ZBTB7C: variants seen among roughly 807,000 people sequenced by gnomAD.
ZBTB7C encodes zinc finger and BTB domain containing 7C.
In ZBTB7C, 8 loss-of-function variants were observed where a neutral mutation model predicts 25.7. The ratio of observed to expected loss-of-function variants is 0.31; its 90% CI spans 0.18 to 0.56. ZBTB7C has a LOEUF of 0.56. ZBTB7C is among the 20% of genes least tolerant of loss of function. The pLI is 0.91. For missense variants in ZBTB7C, 824 were observed against 855.2 expected (o/e 0.96, Z 0.46); for synonymous variants, 394 against 369.0 (o/e 1.07, Z -0.78).
intron 2 of ZBTB7C, among the ~76,000 whole-genome samples, chr18:48,231,737 G>C (rs2043259574): frequency 6.6e-6 from 1 of 152,042 alleles, no homozygotes; most frequent in Non-Finnish European, 1.5e-5. Flanking sequence ...CCAAAAAGGA[G>C]AGAAGAGAGA....
At chr18:48,311,671 CT>C (rs1409412352) in intron 2 of ZBTB7C, among the ~76,000 whole-genome samples, 1 of 152,154 alleles carries the variant, frequency 6.6e-6, no homozygotes, top group African/African-American at 2.4e-5. Context: ...TAAGATACAT[CT>C]GATGGCAAAT....
chr18:48,038,218 G>A (rs2144128271), intron 4 of ZBTB7C, among the ~76,000 whole-genome samples: 1 of 152,216 alleles, frequency 6.6e-6, no homozygotes, highest in Middle Eastern at 3.4e-3. Context: ...CGGGTGGCTG[G>A]CCTAGCTCAC....
chr18:48,042,463 C>G (rs1446894518), intron 3 of ZBTB7C, among the ~76,000 whole-genome samples: 1 of 152,200 alleles, frequency 6.6e-6, no homozygotes, highest in Non-Finnish European at 1.5e-5. Flanking sequence ...AATCCTAAAG[C>G]CCCACGCCCC....
At chr18:48,105,167 T>C (rs2038985370) in intron 3 of ZBTB7C, among the ~76,000 whole-genome samples, 1 of 152,194 alleles carries the variant, frequency 6.6e-6, no homozygotes, top group African/African-American at 2.4e-5. Flanking sequence ...TGACCCCCAA[T>C]TCTGCCAATG....
intron 2 of ZBTB7C, among the ~76,000 whole-genome samples, chr18:48,263,692 TAA>T (rs76126998): frequency 1.8e-3 from 166 of 94,152 alleles, no homozygotes; most frequent in Non-Finnish European, 1.8e-3. Flanking sequence ...ATAAAGCTGC[TAA>T]AAAAAAAAAA....
chr18:48,287,018 A>G (rs935493458), intron 2 of ZBTB7C, among the ~76,000 whole-genome samples: 6 of 151,382 alleles, frequency 4.0e-5, no homozygotes, highest in Non-Finnish European at 8.9e-5. Flanking sequence ...CAAACAAACA[A>G]AAACAAAAAA....
intron 3 of ZBTB7C, among the ~76,000 whole-genome samples, chr18:48,145,803 A>C (rs931645375): frequency 6.6e-6 from 1 of 152,246 alleles, no homozygotes; most frequent in Admixed American, 6.5e-5. Flanking sequence ...ACCTCTGGAT[A>C]GCATTACAAA....
intron 2 of ZBTB7C, among the ~76,000 whole-genome samples, chr18:48,195,767 C>T (rs929572792): frequency 6.6e-6 from 1 of 152,198 alleles, no homozygotes; most frequent in Admixed American, 6.5e-5. Context: ...GTTTCACCCA[C>T]ACCTAACTCA....
intron 3 of ZBTB7C, among the ~76,000 whole-genome samples, chr18:48,066,812 C>T (rs1298240280): frequency 6.6e-6 from 1 of 152,180 alleles, no homozygotes; most frequent in South Asian, 2.1e-4. Flanking sequence ...GGGTTTAAGA[C>T]CTAGCTCTGC....
Position 48,145,343 on chromosome 18 carries a change from C to A in ZBTB7C, c.-17+40591G>T, listed in dbSNP as rs2040467007. Among the ~76,000 whole-genome samples, 8 of 152,310 alleles carry A rather than the reference C, an allele frequency of 5.3e-5. 1 individual carries two copies. The South Asian group carries it at 1.7e-3, about 32-fold the overall frequency. ...CCACCTTCATCTTCCCTTCAGCTCCCTGGACCCTTCAGCATGTCTCCTTTG... is the reference window on the plus strand; with the variant it reads ...CCACCTTCATCTTCCCTTCAGCTCCATGGACCCTTCAGCATGTCTCCTTTG... On this transcript the variant is annotated intron_variant, in intron 3 of 4. Coordinates refer to ENST00000590800, the MANE Select transcript of ZBTB7C (RefSeq NM_001318841.2).
chr18:48,256,146 C>T (rs1318147333), intron 2 of ZBTB7C, among the ~76,000 whole-genome samples: 3 of 151,828 alleles, frequency 2.0e-5, no homozygotes, highest in East Asian at 1.9e-4. Context: ...AAACTATAAA[C>T]CCACAGTTCC....
chr18:48,102,142 T>C (rs1433792935), intron 3 of ZBTB7C, among the ~76,000 whole-genome samples: 1 of 152,186 alleles, frequency 6.6e-6, no homozygotes, highest in Non-Finnish European at 1.5e-5. Context: ...TAAAAAAGCA[T>C]AGGTAGCAAC....
intron 2 of ZBTB7C, among the ~76,000 whole-genome samples, chr18:48,298,971 C>T (rs1028036033): frequency 6.6e-6 from 1 of 152,170 alleles, no homozygotes; most frequent in African/African-American, 2.4e-5. Context: ...CAGAAGCCTT[C>T]CAGGCCCTCC....
chr18:48,183,106 T>A (rs903663715), intron 3 of ZBTB7C, among the ~76,000 whole-genome samples: 2 of 152,202 alleles, frequency 1.3e-5, no homozygotes, highest in Non-Finnish European at 2.9e-5. Flanking sequence ...TGTAAAGTTC[T>A]TATGCATTTT....
At chr18:48,213,867 G>A (rs988471193) in intron 2 of ZBTB7C, among the ~76,000 whole-genome samples, 5 of 152,178 alleles carry the variant, frequency 3.3e-5, no homozygotes, top group Admixed American at 3.3e-4. Flanking sequence ...TTTCATGTGA[G>A]GTGGTTCCAT....
chr18:48,259,700 C>A (rs2044116118), intron 2 of ZBTB7C, among the ~76,000 whole-genome samples: 1 of 151,962 alleles, frequency 6.6e-6, no homozygotes, highest in Non-Finnish European at 1.5e-5. Flanking sequence ...CTCAAATGGG[C>A]AAAATATTTG....
At chr18:48,107,761 C>A (rs570275966) in intron 3 of ZBTB7C, among the ~76,000 whole-genome samples, 1 of 152,098 alleles carries the variant, frequency 6.6e-6, no homozygotes, top group Non-Finnish European at 1.5e-5. Context: ...TCTGGGGTCA[C>A]CCCTGGAGCT....
At chr18:48,155,359 A>G (rs1598985732) in intron 3 of ZBTB7C, among the ~76,000 whole-genome samples, 3 of 111,118 alleles carry the variant, frequency 2.7e-5, no homozygotes, top group African/African-American at 1.1e-4. Flanking sequence ...ACAGAGTCTC[A>G]CTCTATCGCC....
chr18:48,142,018 G>A (rs866818777), intron 3 of ZBTB7C, among the ~76,000 whole-genome samples: 57 of 152,204 alleles, frequency 3.7e-4, no homozygotes, highest in African/African-American at 1.3e-3. Flanking sequence ...AGGGAGCCAC[G>A]AACTGAAGCT....
Sources: gnomAD v4.1 joint callset for allele counts (sites outside exome capture counted in the v4.1 genomes callset) on GRCh38, gnomAD v4.1.1 for gene constraint, MANE v1.5 for transcripts, NCBI Gene and HGNC (gene_info 2026-07-23, HGNC 2026-07-21) for gene names.